CSMD1: variants seen among roughly 807,000 people sequenced by gnomAD.
The protein encoded by CSMD1 is CUB and sushi domain-containing protein 1.
CSMD1 carries 213 observed loss-of-function variants against 417.5 expected under a neutral mutation model. That is an observed-to-expected ratio of 0.51 (90% CI 0.46 to 0.57). The LOEUF is 0.57. Ranked by LOEUF, CSMD1 falls within the 20% of genes least tolerant of loss-of-function variation. The pLI is 0.00. For synonymous variants in CSMD1, 2,862 were observed against 1,736.8 expected, an observed-to-expected ratio of 1.65 and a Z score of -16.11; for missense variants, 6,923 against 4,529.7, an observed-to-expected ratio of 1.53 and a Z score of -15.17.
chr8:4,451,812 G>T (rs1306818738), intron 2 of CSMD1, among the ~76,000 whole-genome samples: 3 of 151,920 alleles, frequency 2.0e-5, no homozygotes, highest in Non-Finnish European at 4.4e-5. Context: ...TAAAGGATGG[G>T]CTCTTACCAC....
At chr8:4,838,735 C>T (rs920737769) in intron 1 of CSMD1, among the ~76,000 whole-genome samples, 2 of 152,138 alleles carry the variant, frequency 1.3e-5, no homozygotes, top group Non-Finnish European at 2.9e-5. Flanking sequence ...TTCATGCCAT[C>T]GGCTCAAATG....
In CSMD1 at chr8:3,576,417, C is replaced by G. The variant is rs553762376; in HGVS notation, c.1223-1351G>C. ...CCTGACCTTAGGAACTGTCCTCTTT[C>G]TGCATTTACCTGTCCCTCCTCAGCA... is the stretch of plus-strand genomic sequence containing the variant. On this transcript the variant is annotated intron_variant, in intron 9 of 69. Coordinates refer to ENST00000635120, the MANE Select transcript of CSMD1 (RefSeq NM_033225.6). Among the ~76,000 whole-genome samples the G allele has an allele frequency of 2.0e-5, 3 of 152,230 alleles. No homozygotes were observed. In the South Asian group the frequency reaches 6.2e-4, roughly 32 times the overall value.
At chr8:3,707,938 T>C (rs4875776) in intron 7 of CSMD1, among the ~76,000 whole-genome samples, 140,332 of 152,228 alleles carry the variant, frequency 0.92, 64,757 homozygotes, top group East Asian at 0.99. Flanking sequence ...CAGCCAGACA[T>C]GTCTGCAGAT....
intron 20 of CSMD1, among the ~76,000 whole-genome samples, chr8:3,363,042 C>A (rs569173961): frequency 1.2e-4 from 19 of 152,184 alleles, no homozygotes; most frequent in African/African-American, 4.3e-4. Context: ...ACTAACTTCA[C>A]GTCCCTCCAC....
At chr8:3,349,823 AATAT>A (rs926748029) in intron 21 of CSMD1, among the ~76,000 whole-genome samples, 2 of 143,256 alleles carry the variant, frequency 1.4e-5, no homozygotes, top group African/African-American at 2.6e-5. Flanking sequence ...ATACATATAA[AATAT>A]ATATAATATA....
chr8:3,454,120 G>A (rs1379068832), intron 12 of CSMD1, among the ~76,000 whole-genome samples: 1 of 152,112 alleles, frequency 6.6e-6, no homozygotes, highest in Admixed American at 6.5e-5. Flanking sequence ...TTTTATCAGA[G>A]ACTAGGATTG....
chr8:3,952,802 T>C (rs370570460), intron 5 of CSMD1, among the ~76,000 whole-genome samples: 1 of 152,210 alleles, frequency 6.6e-6, no homozygotes, highest in Non-Finnish European at 1.5e-5. Flanking sequence ...TATTAAGCAA[T>C]ACTCTCATTA....
intron 1 of CSMD1, among the ~76,000 whole-genome samples, chr8:4,733,053 A>C (rs903182843): frequency 6.6e-6 from 1 of 152,128 alleles, no homozygotes; most frequent in African/African-American, 2.4e-5. Flanking sequence ...ATGAAAAATA[A>C]CTAGAAAAAA....
intron 5 of CSMD1, among the ~76,000 whole-genome samples, chr8:3,981,117 T>C (rs1813826380): frequency 1.3e-5 from 2 of 152,180 alleles, no homozygotes; most frequent in East Asian, 3.8e-4. Context: ...TGCTGAAATG[T>C]CAGGAGTCCT....
chr8:4,944,365 G>T (rs1355687164), intron 1 of CSMD1, among the ~76,000 whole-genome samples: 14 of 152,052 alleles, frequency 9.2e-5, no homozygotes, highest in Admixed American at 8.5e-4. Context: ...AAATTATAAG[G>T]GCCAGCAAAA....
chr8:3,886,984 A>G (rs1422534005), intron 5 of CSMD1, among the ~76,000 whole-genome samples: 1 of 152,200 alleles, frequency 6.6e-6, no homozygotes, highest in Non-Finnish European at 1.5e-5. Flanking sequence ...ATGAACACTT[A>G]GAGAAGCATT....
chr8:3,978,085 G>C (rs1813577777), intron 5 of CSMD1, among the ~76,000 whole-genome samples: 1 of 152,186 alleles, frequency 6.6e-6, no homozygotes, highest in Admixed American at 6.5e-5. Flanking sequence ...GTGAAACTCG[G>C]TGTCTGTGAG....
intron 26 of CSMD1, among the ~76,000 whole-genome samples, chr8:3,250,907 GTTAT>G (rs1415593802): frequency 3.3e-5 from 5 of 152,160 alleles, no homozygotes; most frequent in African/African-American, 7.2e-5. Flanking sequence ...TGTTGATGGG[GTTAT>G]TTGTTTTTTT....
Position 4,165,545 on chromosome 8 carries a change from C to A in CSMD1, c.416-133446G>T, listed in dbSNP as rs115596821. Among the ~76,000 whole-genome samples the A allele has an allele frequency of 8.0e-3, 1,213 of 152,228 alleles. 7 individuals carry two copies. The highest frequency in any genetic ancestry group is 0.014 in the Middle Eastern group (4 of 294). ...CAGCCTGCCAAGTAGGTGGGACCTC[C>A]GGTGCACCACCATGCCCAGCTAATT... On this transcript the variant is annotated intron_variant, in intron 3 of 69. Coordinates refer to ENST00000635120, the MANE Select transcript of CSMD1 (RefSeq NM_033225.6).
In CSMD1 at chr8:2,938,161, AACAAC is replaced by A. The variant is rs373167834; in HGVS notation, c.*419_*423del. ...TGTTCATGGGGGTTTAAAAAGGAAA[AACAAC>A]ACAAGAGAACACATATCGTGGTGCC... On this transcript the variant is annotated 3_prime_UTR_variant, in exon 70 of 70. Transcript: ENST00000635120. The A allele has an allele frequency of 2.5e-3, 400 of 157,494 alleles. 3 individuals carry two copies. The highest frequency in any genetic ancestry group is 8.5e-3 in the African/African-American group (356 of 41,812). The allele number at this position is 157,494 out of a possible 1,614,324, so 9.8% of individuals were successfully genotyped here.
intron 11 of CSMD1, among the ~76,000 whole-genome samples, chr8:3,489,673 T>C (rs1355694586): frequency 6.6e-6 from 1 of 152,214 alleles, no homozygotes. Context: ...CCCTTCATGT[T>C]TTTATTCTTT....
intron 3 of CSMD1, among the ~76,000 whole-genome samples, chr8:4,329,652 G>C (rs1008094268): frequency 1.3e-5 from 2 of 152,004 alleles, no homozygotes; most frequent in African/African-American, 2.4e-5. Context: ...GATATCGTTT[G>C]GATCTGTATC....
At chr8:3,987,773 G>T (rs1427634031) in intron 5 of CSMD1, among the ~76,000 whole-genome samples, 1 of 152,216 alleles carries the variant, frequency 6.6e-6, no homozygotes, top group Non-Finnish European at 1.5e-5. Context: ...TCAGGCCAAA[G>T]CAGGCTCTGC....
chr8:4,543,150 T>A (rs1158440510), intron 2 of CSMD1, among the ~76,000 whole-genome samples: 1 of 152,214 alleles, frequency 6.6e-6, no homozygotes, highest in Admixed American at 6.5e-5. Flanking sequence ...TGATACATTA[T>A]TGATTCAAGT....
Sources: allele counts gnomAD v4.1 joint callset (sites outside exome capture counted in the v4.1 genomes callset), GRCh38; gene constraint gnomAD v4.1.1; transcripts MANE v1.5; gene names NCBI Gene and HGNC (gene_info 2026-07-23, HGNC 2026-07-21).